Variants in CARMIL1 observed in about 807,000 individuals in gnomAD.
CARMIL1 encodes the protein F-actin-uncapping protein LRRC16A.
Under a neutral mutation model 177.1 loss-of-function variants are expected in CARMIL1, and 90 were observed. The observed-to-expected ratio is 0.51, with a 90% confidence interval of 0.43 to 0.61. The LOEUF (loss-of-function observed/expected upper bound fraction) is 0.61. Among genes scored for constraint, CARMIL1 ranks in the 20% least tolerant of loss-of-function variants. The pLI, the probability that CARMIL1 is intolerant of heterozygous loss-of-function variation, is 0.00. For missense variants in CARMIL1, 1,380 were observed against 1,667.0 expected, an observed-to-expected ratio of 0.83 and a Z score of 3.00; for synonymous variants, 577 against 606.2, an observed-to-expected ratio of 0.95 and a Z score of 0.71.
intron 26 of CARMIL1, among the ~76,000 whole-genome samples, chr6:25,544,646 C>CA: frequency 7.1e-6 from 1 of 140,618 alleles, no homozygotes; most frequent in African/African-American, 2.6e-5. Flanking sequence ...CACACACACA[C>CA]CCCAAACACT....
chr6:25,450,388 A>T lies in CARMIL1; in HGVS notation c.519A>T (p.Ser173=). Reference sequence around the variant, plus strand: ...GTGTTTGTGACTGGCTTGGATTTTCATACAGGGAAGAAGTACAATGGGTAA... The same window carrying T: ...GTGTTTGTGACTGGCTTGGATTTTCTTACAGGGAAGAAGTACAATGGGTAA... ...YACVCDWLGF[S]YREEVQWDVD... The change falls in exon 7 of 37, where the codon TCA becomes TCT. Residue 173 remains serine (S), a synonymous_variant. Transcript: ENST00000329474. 1 of 1,613,572 alleles carries T rather than the reference A, an allele frequency of 6.2e-7. No individual in the cohort carries two copies. Among genetic ancestry groups the T allele is most frequent in the Non-Finnish European group, 8.5e-7 (1 of 1,179,558 alleles).
intron 2 of CARMIL1, among the ~76,000 whole-genome samples, chr6:25,385,294 A>C (rs1792039729): frequency 6.6e-6 from 1 of 152,214 alleles, no homozygotes; most frequent in Non-Finnish European, 1.5e-5. Context: ...TCTGTGACAG[A>C]GTTTGAACTT....
chr6:25,478,805 A>C (rs1801825871), intron 11 of CARMIL1, among the ~76,000 whole-genome samples: 1 of 151,980 alleles, frequency 6.6e-6, no homozygotes, highest in Admixed American at 6.6e-5. Flanking sequence ...TGGGGAAAAA[A>C]AAAAAGGGCA....
rs375227199 is a variant in CARMIL1, at chr6:25,417,970, C to T, written c.139-2144C>T. Among the ~76,000 whole-genome samples, 14 of 151,844 alleles carry T rather than the reference C, an allele frequency of 9.2e-5. 2 individuals are homozygous for T. The South Asian group carries it at 1.7e-3, about 18-fold the overall frequency. On this transcript the variant is annotated intron_variant, in intron 2 of 36. Coordinates refer to ENST00000329474, the MANE Select transcript of CARMIL1 (RefSeq NM_017640.6). ...CAACGCTTAGGGACAGCTTTTATGG[C>T]TTGCAATCTGTACAGTTGCACAGGA... is the stretch of plus-strand genomic sequence containing the variant.
intron 12 of CARMIL1, among the ~76,000 whole-genome samples, chr6:25,484,527 C>T (rs1802437411): frequency 1.3e-5 from 2 of 152,230 alleles, no homozygotes; most frequent in African/African-American, 4.8e-5. Flanking sequence ...AAGCCATCTA[C>T]AGATCTTACA....
chr6:25,494,727 T>G (rs1251216363), intron 15 of CARMIL1, among the ~76,000 whole-genome samples: 1 of 152,206 alleles, frequency 6.6e-6, no homozygotes, highest in Non-Finnish European at 1.5e-5. Flanking sequence ...CATTGCCAAA[T>G]GCAGATATTG....
In CARMIL1 at chr6:25,488,518, C is replaced by T. The variant is rs1802889999; in HGVS notation, c.998C>T (p.Pro333Leu). Residue 333 changes from proline to leucine, a missense_variant, in exon 13 of 37, where the codon CCA (proline) becomes CTA (leucine). Coordinates refer to ENST00000329474, the MANE Select transcript of CARMIL1 (RefSeq NM_017640.6). The part of the protein sequence containing the change: ...NSLSQSLSAN[P>L]LTASTLVHLD... ...CTTTCTCAGTCACTCAGTGCCAATC[C>T]ATTGACCGCCTCTACCCTTGTCCAC... 1 of 1,613,984 alleles carries T rather than the reference C, an allele frequency of 6.2e-7. No homozygotes were observed. Among genetic ancestry groups the T allele is most frequent in the East Asian group, 2.2e-5 (1 of 44,882 alleles).
intron 36 of CARMIL1, chr6:25,612,431 C>A (rs1322528368): frequency 6.6e-6 from 1 of 152,140 alleles, no homozygotes; most frequent in Non-Finnish European, 1.5e-5. Context: ...CTGGATTATT[C>A]CATAGTGAAT....
chr6:25,444,723 A>G (rs967925202), intron 5 of CARMIL1, among the ~76,000 whole-genome samples: 3 of 152,232 alleles, frequency 2.0e-5, no homozygotes, highest in African/African-American at 4.8e-5. Context: ...TTATGGCAGC[A>G]TAGTATTCCA....
At chr6:25,587,231 A>G (rs1333531294) in intron 31 of CARMIL1, among the ~76,000 whole-genome samples, 1 of 152,174 alleles carries the variant, frequency 6.6e-6, no homozygotes, top group Non-Finnish European at 1.5e-5. Flanking sequence ...AACAAGAGCT[A>G]GAATGTTTCT....
intron 2 of CARMIL1, among the ~76,000 whole-genome samples, chr6:25,390,307 TATATATATATA>T (rs1399477792): frequency 8.1e-4 from 38 of 47,116 alleles, no homozygotes; most frequent in Non-Finnish European, 1.2e-3. Context: ...TATATATATA[TATATATATATA>T]TATTTTTTTT....
In CARMIL1 at chr6:25,279,785, A is replaced by C; in HGVS notation, c.-11A>C. 6.2e-7 allele frequency: 1 copy of C among 1,613,934 alleles called. No individual in the cohort carries two copies. Among genetic ancestry groups the C allele is most frequent in the East Asian group, 2.2e-5 (1 of 44,876 alleles). On this transcript the variant is annotated 5_prime_UTR_variant, in exon 1 of 37. Coordinates refer to ENST00000329474, the MANE Select transcript of CARMIL1 (RefSeq NM_017640.6). ...TGGACCTGCAATAACCCCCACACCT[A>C]CAGGGCAACCATGACCGAGGAGAGC...
intron 9 of CARMIL1, among the ~76,000 whole-genome samples, chr6:25,468,559 C>T (rs953098409): frequency 7.2e-5 from 11 of 152,226 alleles, no homozygotes; most frequent in African/African-American, 2.7e-4. Flanking sequence ...AACTGATGCA[C>T]GTAGTGCTGC....
chr6:25,349,218 C>A (rs1400345173), intron 2 of CARMIL1, among the ~76,000 whole-genome samples: 1 of 152,194 alleles, frequency 6.6e-6, no homozygotes, highest in Non-Finnish European at 1.5e-5. Flanking sequence ...TTCTCTCAAT[C>A]AGACTGGGAC....
intron 15 of CARMIL1, among the ~76,000 whole-genome samples, chr6:25,492,995 A>T (rs1388821107): frequency 6.6e-6 from 1 of 152,218 alleles, no homozygotes; most frequent in East Asian, 1.9e-4. Context: ...ATTTTCCATG[A>T]TAACTATATT....
chr6:25,563,696 G>T, intron 29 of CARMIL1: 1 of 985,356 alleles, frequency 1.0e-6, no homozygotes, highest in Non-Finnish European at 1.2e-6. Context: ...TTGGCTTCTT[G>T]CTAGGAATGG....
chr6:25,417,217 A>G (rs9393642), intron 2 of CARMIL1, among the ~76,000 whole-genome samples: 18,308 of 152,122 alleles, frequency 0.12, 1,118 homozygotes, highest in East Asian at 0.23. Flanking sequence ...CTAATCTTGT[A>G]TTCCGCTCCC....
At chr6:25,347,883 T>G (rs1787692811) in intron 2 of CARMIL1, among the ~76,000 whole-genome samples, 1 of 152,192 alleles carries the variant, frequency 6.6e-6, no homozygotes, top group Non-Finnish European at 1.5e-5. Context: ...AGTCTTACAA[T>G]CAGTAGTAGC....
rs528247671 is a variant in CARMIL1 at position 25,450,627 on chromosome 6, A to G, written c.541-11A>G. On this transcript the variant is annotated splice_polypyrimidine_tract_variant and intron_variant, in intron 7 of 36. Transcript: ENST00000329474. ...TGGACTGATGACATGACTGAATTAT[A>G]TTTCAAATAGGATGTGGATACAATT... 1.3e-6 allele frequency: 2 copies of G among 1,522,202 alleles called. No homozygotes were observed. Among genetic ancestry groups the G allele is most frequent in the Non-Finnish European group, 1.8e-6 (2 of 1,101,434 alleles). 94.3% of individuals were successfully genotyped at this position (1,522,202 alleles called of 1,614,324 possible). A position where few individuals can be genotyped will look rare whatever the true frequency, so the allele number is the denominator to read the frequency against.
Sources: allele counts gnomAD v4.1 joint callset (sites outside exome capture counted in the v4.1 genomes callset), GRCh38; gene constraint gnomAD v4.1.1; transcripts MANE v1.5; gene names NCBI Gene and HGNC (gene_info 2026-07-23, HGNC 2026-07-21).